The following ABTB3 variants were observed in gnomAD, a reference collection of about 807,000 sequenced individuals.
ABTB3 encodes the protein ankyrin repeat- and BTB/POZ domain-containing protein 3.
chr12:107,467,149 A>C, the ABTB3 span, among the ~76,000 whole-genome samples: 1 of 152,046 alleles, frequency 6.6e-6, no homozygotes, highest in Non-Finnish European at 1.5e-5. Context: ...TGGTATAATG[A>C]GCTCCCAAAC....
chr12:107,561,019 C>G, the ABTB3 span, among the ~76,000 whole-genome samples: 35 of 152,344 alleles, frequency 2.3e-4, no homozygotes, highest in African/African-American at 8.4e-4. Flanking sequence ...CAGTCAGGTT[C>G]AGACCTGCTC....
chr12:107,362,701 G>A, the ABTB3 span, among the ~76,000 whole-genome samples: 8 of 152,102 alleles, frequency 5.3e-5, no homozygotes, highest in Non-Finnish European at 1.2e-4. Flanking sequence ...TCTGAGGTGG[G>A]AGGATTGCTT....
chr12:107,573,645 G>A, the ABTB3 span, among the ~76,000 whole-genome samples: 1 of 152,174 alleles, frequency 6.6e-6, no homozygotes, highest in African/African-American at 2.4e-5. Flanking sequence ...TTAAGGAATT[G>A]GCTTACAAGA....
chr12:107,592,154 T>C, the ABTB3 span, among the ~76,000 whole-genome samples: 1 of 152,190 alleles, frequency 6.6e-6, no homozygotes, highest in Non-Finnish European at 1.5e-5. Context: ...AGCATTGAAA[T>C]ATTCTATCAA....
chr12:107,345,598 C>T, the ABTB3 span, among the ~76,000 whole-genome samples: 1 of 152,184 alleles, frequency 6.6e-6, no homozygotes, highest in Non-Finnish European at 1.5e-5. Flanking sequence ...AGATAGGACA[C>T]CCCCAACCCT....
chr12:107,548,762 G>A, the ABTB3 span, among the ~76,000 whole-genome samples: 1 of 152,034 alleles, frequency 6.6e-6, no homozygotes, highest in Non-Finnish European at 1.5e-5. Flanking sequence ...GCCATGTGAG[G>A]GTACTGTTTT....
At chr12:107,559,213 G>T in the ABTB3 span, among the ~76,000 whole-genome samples, 38 of 152,340 alleles carry the variant, frequency 2.5e-4, no homozygotes, top group Non-Finnish European at 4.4e-4. Context: ...CTGAGTGAGT[G>T]TCATCCTCAG....
chr12:107,375,594 G>T, the ABTB3 span, among the ~76,000 whole-genome samples: 1 of 152,330 alleles, frequency 6.6e-6, no homozygotes, highest in South Asian at 2.1e-4. Flanking sequence ...CCTCTCACTG[G>T]CTGTGGAGCC....
At chr12:107,393,339 G>T in the ABTB3 span, among the ~76,000 whole-genome samples, 19 of 125,642 alleles carry the variant, frequency 1.5e-4, no homozygotes, top group East Asian at 8.4e-4. Context: ...CAGGCAGGGT[G>T]GGGGTGGGGG....
the ABTB3 span, among the ~76,000 whole-genome samples, chr12:107,439,686 T>C: frequency 7.7e-3 from 1,167 of 152,286 alleles, 25 homozygotes; most frequent in African/African-American, 0.026. Flanking sequence ...CTTTTTCTTT[T>C]AGTGATTGAC....
At chr12:107,457,915 C>T in the ABTB3 span, among the ~76,000 whole-genome samples, 11 of 152,204 alleles carry the variant, frequency 7.2e-5, no homozygotes, top group African/African-American at 1.9e-4. Flanking sequence ...CCTTACTAGC[C>T]GTGTGACCTC....
chr12:107,646,782 C>T, the ABTB3 span, among the ~76,000 whole-genome samples: 1 of 152,174 alleles, frequency 6.6e-6, no homozygotes, highest in Non-Finnish European at 1.5e-5. Context: ...TGCCCTCTGA[C>T]TCTAGTGAGA....
the ABTB3 span, among the ~76,000 whole-genome samples, chr12:107,451,380 C>A: frequency 5.9e-5 from 9 of 152,286 alleles, no homozygotes; most frequent in East Asian, 1.4e-3. Flanking sequence ...CCCTGCAACC[C>A]TCTGCTGCGT....
the ABTB3 span, among the ~76,000 whole-genome samples, chr12:107,629,532 A>G: frequency 1.3e-5 from 2 of 152,164 alleles, no homozygotes; most frequent in African/African-American, 4.8e-5. Flanking sequence ...ATTTTCTGTG[A>G]GGGACTTGAA....
At chr12:107,487,149 G>A in the ABTB3 span, among the ~76,000 whole-genome samples, 1 of 152,162 alleles carries the variant, frequency 6.6e-6, no homozygotes, top group African/African-American at 2.4e-5. Flanking sequence ...AATGCATAGA[G>A]ATGCTCAGAC....
At chr12:107,591,794 C>T in the ABTB3 span, among the ~76,000 whole-genome samples, 1 of 152,182 alleles carries the variant, frequency 6.6e-6, no homozygotes, top group Non-Finnish European at 1.5e-5. Flanking sequence ...TTCTCATGTC[C>T]ACCTCCATTC....
chr12:107,467,611 C>T, the ABTB3 span, among the ~76,000 whole-genome samples: 2 of 151,144 alleles, frequency 1.3e-5, no homozygotes, highest in Non-Finnish European at 3.0e-5. Flanking sequence ...TGCATGCACT[C>T]ATACACACAC....
At chr12:107,543,183 A>G in the ABTB3 span, among the ~76,000 whole-genome samples, 1 of 151,986 alleles carries the variant, frequency 6.6e-6, no homozygotes, top group Non-Finnish European at 1.5e-5. Context: ...TAAAATTACG[A>G]AAATTAACCG....
chr12:107,625,153 A>G, the ABTB3 span, among the ~76,000 whole-genome samples: 1 of 152,146 alleles, frequency 6.6e-6, no homozygotes, highest in Non-Finnish European at 1.5e-5. Flanking sequence ...GTCTCTTTGT[A>G]TCTTAAGCCT....
Sources: allele counts gnomAD v4.1 joint callset (sites outside exome capture counted in the v4.1 genomes callset), GRCh38; gene constraint gnomAD v4.1.1; transcripts MANE v1.5; gene names NCBI Gene and HGNC (gene_info 2026-07-23, HGNC 2026-07-21).